Variants in ADA2 observed in about 807,000 individuals in gnomAD.
ADA2 encodes adenosine deaminase CECR1.
Under a neutral mutation model 44.2 loss-of-function variants are expected in ADA2, and 29 were observed. The ratio of observed to expected loss-of-function variants is 0.66; its 90% confidence interval spans 0.49 to 0.89. ADA2 has a LOEUF of 0.89. ADA2 is among the 40% of genes least tolerant of loss of function. ADA2 has a pLI of 0.00. For missense variants in ADA2, 637 were observed against 644.8 expected, an observed-to-expected ratio of 0.99 and a Z score of 0.13; for synonymous variants, 215 against 234.9, an observed-to-expected ratio of 0.92 and a Z score of 0.77.
intron 4 of ADA2, among the ~76,000 whole-genome samples, chr22:17,196,539 C>T (rs1004172360): frequency 5.9e-5 from 9 of 152,212 alleles, no homozygotes; most frequent in African/African-American, 1.7e-4. Context: ...TGGTTCACAG[C>T]AGGGAAGAAT....
At chr22:17,201,053 C>CA (rs1292684230) in intron 4 of ADA2, among the ~76,000 whole-genome samples, 1 of 151,446 alleles carries the variant, frequency 6.6e-6, no homozygotes, top group African/African-American at 2.4e-5. Flanking sequence ...ACTGAAAATA[C>CA]AAAAAATTAG....
In ADA2 at chr22:17,209,574, G is replaced by T. The variant is rs151283756; in HGVS notation, c.104C>A (p.Ala35Glu). ...CATCTTTTCTTTCAACAACAGATGC[G>T]CCCGTGTTTCATCTATGGATAGAGC... is the stretch of plus-strand genomic sequence containing the variant. ...GSALSIDETRAHLLLKEKMMR... is the reference protein window; with the variant it reads ...GSALSIDETREHLLLKEKMMR... The change falls in exon 2 of 10, where the codon GCG becomes GAG. Residue 35 changes from alanine to glutamate, a missense_variant. By Grantham distance (107) the Ala-to-Glu change is moderately radical. Transcript: ENST00000399837. 6.2e-7 allele frequency: 1 copy of T among 1,614,044 alleles called. No individual in the cohort carries two copies.
At position 17,182,779 on chromosome 22, in the gene ADA2, G is replaced by A; in HGVS notation, c.1082-18C>T. The A allele has an allele frequency of 6.5e-7, 1 of 1,546,880 alleles. No individual in the cohort carries two copies. Among genetic ancestry groups the A allele is most frequent in the Non-Finnish European group, 8.9e-7 (1 of 1,127,570 alleles). On this transcript the variant is annotated intron_variant, in intron 7 of 9. Transcript: ENST00000399837. The stretch of plus-strand genomic sequence containing the variant: ...CTGCCAGTCTGAACACACGGGAATG[G>A]TCTTCCATGGGGGATGGATGGGTCT...
rs536227581 is a variant in ADA2, at chr22:17,208,821, TA to T, written c.322+534del. Reference sequence around the variant, plus strand: ...CTGTCTCAAAAAAAATTTTTTTTAATAAAAAAAAAAATTAACATTTTTTGGG... The same window carrying T: ...CTGTCTCAAAAAAAATTTTTTTTAATAAAAAAAAAATTAACATTTTTTGGG... On this transcript the variant is annotated intron_variant, in intron 2 of 9. Transcript: ENST00000399837. Among the ~76,000 whole-genome samples, 361 of 136,942 alleles carry T rather than the reference TA, an allele frequency of 2.6e-3. 9 individuals are homozygous for T. Among genetic ancestry groups the T allele is most frequent in the African/African-American group, 7.6e-3 (286 of 37,692 alleles). The allele number at this position is 136,942 out of a possible 152,430, so 89.8% of individuals were successfully genotyped here. A position where few individuals can be genotyped will look rare whatever the true frequency, so the allele number is the denominator to read the frequency against.
chr22:17,209,465 C>A lies in ADA2; in HGVS notation c.213G>T (p.Met71Ile). The A allele has an allele frequency of 6.2e-7, 1 of 1,614,178 alleles. No individual in the cohort carries two copies. The highest frequency in any genetic ancestry group is 8.5e-7 in the Non-Finnish European group (1 of 1,180,024). The change falls in exon 2 of 10, where the codon ATG (methionine) becomes ATT (isoleucine). Residue 71 changes from methionine to isoleucine, a missense_variant. Transcript: ENST00000399837. ...ERLMTLKIAE[M>I]KEAMRTLIFP... ...ATATCAGGGTCCTCATGGCCTCCTT[C>A]ATCTCAGCGATTTTGAGCGTCATGA...
chr22:17,186,445 G>A (rs1231222856), intron 7 of ADA2, among the ~76,000 whole-genome samples: 4 of 151,984 alleles, frequency 2.6e-5, no homozygotes, highest in African/African-American at 7.3e-5. Flanking sequence ...AGCCGGGTGT[G>A]TTGGTGGGCG....
intron 1 of ADA2, among the ~76,000 whole-genome samples, chr22:17,214,512 C>T (rs2062450636): frequency 6.6e-6 from 1 of 152,206 alleles, no homozygotes; most frequent in African/African-American, 2.4e-5. Context: ...CTGTCTTCTC[C>T]AGGATCAGAT....
chr22:17,185,009 A>ATATATATATATATAT (rs2062020220), intron 7 of ADA2, among the ~76,000 whole-genome samples: 1 of 99,714 alleles, frequency 1.0e-5, no homozygotes, highest in Non-Finnish European at 2.2e-5. Context: ...TATATATATG[A>ATATATATATATATAT]AAACTCCACT....
At position 17,201,950 on chromosome 22, in the gene ADA2, AT is replaced by A. The variant is rs796103460; in HGVS notation, c.753+1612del. Among the ~76,000 whole-genome samples the A allele has an allele frequency of 7.7e-3, 1,074 of 139,930 alleles. 13 individuals are homozygous for A. Among genetic ancestry groups the A allele is most frequent in the African/African-American group, 0.027 (1,027 of 37,674 alleles). 91.8% of individuals were successfully genotyped at this position (139,930 alleles called of 152,430 possible). On this transcript the variant is annotated intron_variant, in intron 4 of 9. Transcript: ENST00000399837. Reference sequence around the variant, plus strand: ...TCCAAACTTCCTTCCTTAAAATCAAATTTTTTTTTCTTTTTTCTTTTTTTTT... The same window carrying A: ...TCCAAACTTCCTTCCTTAAAATCAAATTTTTTTTCTTTTTTCTTTTTTTTT...
At chr22:17,215,647 AC>A (rs2062463431) in intron 1 of ADA2, among the ~76,000 whole-genome samples, 2 of 152,090 alleles carry the variant, frequency 1.3e-5, no homozygotes, top group South Asian at 4.1e-4. Flanking sequence ...ATTTGCACCA[AC>A]ATGCACGGAA....
chr22:17,201,752 C>T (rs1279167705), intron 4 of ADA2, among the ~76,000 whole-genome samples: 1 of 152,162 alleles, frequency 6.6e-6, no homozygotes, highest in Non-Finnish European at 1.5e-5. Context: ...CCTAGGGCTG[C>T]TCTCCTCGAA....
intron 3 of ADA2, among the ~76,000 whole-genome samples, 194 bp downstream of exon 3, chr22:17,206,877 C>A (rs1177916332): frequency 6.6e-6 from 1 of 152,198 alleles, no homozygotes; most frequent in African/African-American, 2.4e-5. Flanking sequence ...AGACTGGCAA[C>A]TCCTGGGCTC....
chr22:17,211,699 G>C (rs2062419961), intron 1 of ADA2, among the ~76,000 whole-genome samples: 1 of 152,040 alleles, frequency 6.6e-6, no homozygotes, highest in African/African-American at 2.4e-5. Context: ...GGAGGCTGAG[G>C]TGGACGGATC....
chr22:17,205,474 C>T (rs112407257), intron 3 of ADA2, among the ~76,000 whole-genome samples: 1 of 152,100 alleles, frequency 6.6e-6, no homozygotes, highest in Non-Finnish European at 1.5e-5. Flanking sequence ...TATGGCAGCT[C>T]GAGCAGGTTA....
chr22:17,219,976 G>A (rs956695872), upstream of ADA2, among the ~76,000 whole-genome samples: 2 of 151,964 alleles, frequency 1.3e-5, no homozygotes, highest in African/African-American at 2.4e-5. Context: ...ATGCCCGGCC[G>A]CATGTGGGTT....
chr22:17,185,401 C>T (rs192642374), intron 7 of ADA2, among the ~76,000 whole-genome samples: 43 of 147,792 alleles, frequency 2.9e-4, no homozygotes, highest in Non-Finnish European at 5.5e-4. Context: ...GGGGACAGAG[C>T]GAGACTCCGT....
intron 7 of ADA2, among the ~76,000 whole-genome samples, chr22:17,183,454 C>CTATTTTTTTTTTTTTTTT (rs1568967612): frequency 2.6e-5 from 2 of 76,138 alleles, no homozygotes; most frequent in Non-Finnish European, 2.7e-5. Context: ...TTTTGTGGCA[C>CTATTTTTTTTTTTTTTTT]TCTTTTTTTT....
intron 7 of ADA2, among the ~76,000 whole-genome samples, chr22:17,186,000 G>A (rs1478945691): frequency 6.6e-6 from 1 of 152,178 alleles, no homozygotes; most frequent in African/African-American, 2.4e-5. Context: ...AATACGGGAG[G>A]GGCTGAGATG....
chr22:17,195,850 T>C (rs2096511269), intron 4 of ADA2, among the ~76,000 whole-genome samples: 1 of 147,362 alleles, frequency 6.8e-6, no homozygotes, highest in Non-Finnish European at 1.5e-5. Flanking sequence ...AACCTCCACC[T>C]CCTGGGTTCA....
Sources: gnomAD v4.1 joint callset for allele counts (sites outside exome capture counted in the v4.1 genomes callset) on GRCh38, gnomAD v4.1.1 for gene constraint, MANE v1.5 for transcripts, NCBI Gene and HGNC (gene_info 2026-07-23, HGNC 2026-07-21) for gene names.